CSMD1: variants seen among roughly 807,000 people sequenced by gnomAD.
CSMD1 encodes the protein CUB and sushi domain-containing protein 1.
CSMD1 carries 213 observed loss-of-function variants against 417.5 expected under a neutral mutation model. The observed-to-expected ratio is 0.51, with a 90% CI of 0.46 to 0.57. CSMD1 has a LOEUF of 0.57. Among genes scored for constraint, CSMD1 ranks in the 20% least tolerant of loss-of-function variants. The pLI, the probability that CSMD1 is intolerant of heterozygous loss-of-function variation, is 0.00. For synonymous variants in CSMD1, 2,862 were observed against 1,736.8 expected (o/e 1.65, Z -16.11); for missense variants, 6,923 against 4,529.7 (o/e 1.53, Z -15.17).
chr8:4,159,353 T>C (rs1407425197), intron 3 of CSMD1, among the ~76,000 whole-genome samples: 6 of 152,310 alleles, frequency 3.9e-5, no homozygotes, highest in African/African-American at 1.4e-4. Flanking sequence ...GGAAATATTT[T>C]TATTTGTGAT....
chr8:3,263,384 C>T (rs533119497), intron 26 of CSMD1, among the ~76,000 whole-genome samples: 2 of 152,298 alleles, frequency 1.3e-5, no homozygotes, highest in African/African-American at 4.8e-5. Flanking sequence ...CAGGCATGAG[C>T]CACCGTGCCA....
At chr8:3,561,320 A>G (rs1003150288) in intron 10 of CSMD1, among the ~76,000 whole-genome samples, 13 of 152,216 alleles carry the variant, frequency 8.5e-5, no homozygotes, top group Non-Finnish European at 1.9e-4. Flanking sequence ...TCTACGAAAA[A>G]GACACCCGCA....
chr8:4,895,897 C>A (rs1015622943), intron 1 of CSMD1, among the ~76,000 whole-genome samples: 4 of 152,156 alleles, frequency 2.6e-5, no homozygotes, highest in Non-Finnish European at 5.9e-5. Context: ...GTTGTAAATA[C>A]GTTGAATTTT....
chr8:4,980,138 T>G (rs1053674878), intron 1 of CSMD1, among the ~76,000 whole-genome samples: 7 of 152,216 alleles, frequency 4.6e-5, no homozygotes, highest in Non-Finnish European at 1.0e-4. Context: ...TACAAAGCAA[T>G]AAAACCCTGT....
chr8:3,985,879 C>T (rs1814286645), intron 5 of CSMD1, among the ~76,000 whole-genome samples: 1 of 151,922 alleles, frequency 6.6e-6, no homozygotes, highest in Admixed American at 6.6e-5. Context: ...ATTTTTCTTC[C>T]CAATTCATCG....
intron 3 of CSMD1, among the ~76,000 whole-genome samples, chr8:4,312,903 C>T (rs1455228744): frequency 6.6e-6 from 1 of 152,018 alleles, no homozygotes; most frequent in Non-Finnish European, 1.5e-5. Flanking sequence ...TCACACGTGG[C>T]AAAAACAATA....
At chr8:3,494,597 TAG>T (rs879514274) in intron 10 of CSMD1, among the ~76,000 whole-genome samples, 3 of 148,610 alleles carry the variant, frequency 2.0e-5, no homozygotes, top group Admixed American at 1.3e-4. Flanking sequence ...GATAGATAGA[TAG>T]ATAGATAGAT....
chr8:3,463,731 G>A (rs1585202875), intron 12 of CSMD1, among the ~76,000 whole-genome samples: 2 of 152,294 alleles, frequency 1.3e-5, no homozygotes, highest in East Asian at 3.9e-4. Context: ...GGTAACTCAT[G>A]CCAGTACAAC....
chr8:4,905,307 A>G (rs569242678), intron 1 of CSMD1, among the ~76,000 whole-genome samples: 1 of 152,120 alleles, frequency 6.6e-6, no homozygotes, highest in Non-Finnish European at 1.5e-5. Context: ...CTAATGGATA[A>G]CTCGCTGTGT....
intron 26 of CSMD1, among the ~76,000 whole-genome samples, chr8:3,282,872 A>C (rs1055822698): frequency 1.3e-5 from 2 of 152,180 alleles, no homozygotes; most frequent in Admixed American, 6.5e-5. Context: ...GTGAGCTGCC[A>C]AGAGATAAAT....
intron 5 of CSMD1, among the ~76,000 whole-genome samples, chr8:3,849,966 C>A (rs978966893): frequency 6.6e-6 from 1 of 151,386 alleles, no homozygotes; most frequent in Non-Finnish European, 1.5e-5. Context: ...CAGGCACCCA[C>A]TACCATGCTC....
chr8:3,716,048 G>A (rs13269406), intron 6 of CSMD1, among the ~76,000 whole-genome samples: 83,037 of 151,852 alleles, frequency 0.55, 22,952 homozygotes, highest in African/African-American at 0.62. Context: ...TTGGTCGAAT[G>A]TCCACCCTCC....
intron 6 of CSMD1, among the ~76,000 whole-genome samples, chr8:3,742,983 G>A (rs956730323): frequency 1.3e-5 from 2 of 152,124 alleles, no homozygotes; most frequent in African/African-American, 2.4e-5. Context: ...CACAACTAGT[G>A]GAAGCAGTAA....
At chr8:4,627,058 G>A (rs980312517) in intron 2 of CSMD1, among the ~76,000 whole-genome samples, 2 of 152,072 alleles carry the variant, frequency 1.3e-5, no homozygotes, top group Non-Finnish European at 1.5e-5. Flanking sequence ...AATTAAAAGT[G>A]AATAACTCAC....
intron 5 of CSMD1, among the ~76,000 whole-genome samples, chr8:3,993,519 A>C (rs1370492241): frequency 2.6e-5 from 4 of 152,236 alleles, no homozygotes; most frequent in Non-Finnish European, 5.9e-5. Context: ...GTCACCAATT[A>C]GATTGACTTA....
rs186857563 is a variant in CSMD1 at position 4,375,943 on chromosome 8, T to G, written c.415+44010A>C. The stretch of plus-strand genomic sequence containing the variant: ...CCTGCTCTTAGATGTGCAGAGAGTT[T>G]CCTGGCAACCTCCAGGCCTTGCCAA... On this transcript the variant is annotated intron_variant, in intron 3 of 69. Coordinates refer to ENST00000635120, the MANE Select transcript of CSMD1 (RefSeq NM_033225.6). 1.6e-3 allele frequency among the ~76,000 whole-genome samples: 240 copies of G among 152,300 alleles called. 1 individual carries two copies. Among genetic ancestry groups the G allele is most frequent in the African/African-American group, 5.5e-3 (229 of 41,572 alleles).
At chr8:3,611,922 T>G (rs1367455137) in intron 8 of CSMD1, among the ~76,000 whole-genome samples, 1 of 152,114 alleles carries the variant, frequency 6.6e-6, no homozygotes, top group Non-Finnish European at 1.5e-5. Context: ...ATATCCAAAT[T>G]GCATCTAAAA....
At chr8:3,428,420 G>T (rs1813993700) in intron 12 of CSMD1, among the ~76,000 whole-genome samples, 1 of 152,054 alleles carries the variant, frequency 6.6e-6, no homozygotes, top group Admixed American at 6.6e-5. Context: ...AATGGCACGA[G>T]AAACGAAACT....
chr8:4,487,035 G>C (rs936898262), intron 2 of CSMD1, among the ~76,000 whole-genome samples: 1 of 152,092 alleles, frequency 6.6e-6, no homozygotes, highest in Non-Finnish European at 1.5e-5. Flanking sequence ...CCACTGAAGA[G>C]AATTGTAATA....
Sources: gnomAD v4.1 joint callset for allele counts (sites outside exome capture counted in the v4.1 genomes callset) on GRCh38, gnomAD v4.1.1 for gene constraint, MANE v1.5 for transcripts, NCBI Gene and HGNC (gene_info 2026-07-23, HGNC 2026-07-21) for gene names.